GPC5: variants seen among roughly 807,000 people sequenced by gnomAD.
The protein encoded by GPC5 is glypican-5.
GPC5 carries 47 observed loss-of-function variants against 53.9 expected under a neutral mutation model. The ratio of observed to expected loss-of-function variants is 0.87; its 90% confidence interval spans 0.69 to 1.11. The LOEUF (loss-of-function observed/expected upper bound fraction) is 1.11, where lower values mean the gene tolerates loss of function less well. Ranked by LOEUF, GPC5 falls within the 50% of genes most tolerant of loss-of-function variation. The pLI, the probability that GPC5 is intolerant of heterozygous loss-of-function variation, is 0.00. For synonymous variants in GPC5, 286 were observed against 263.3 expected, an observed-to-expected ratio of 1.09 and a Z score of -0.84; for missense variants, 748 against 713.1, an observed-to-expected ratio of 1.05 and a Z score of -0.56.
At chr13:92,804,870 C>G (rs1877035895) in intron 7 of GPC5, among the ~76,000 whole-genome samples, 1 of 152,066 alleles carries the variant, frequency 6.6e-6, no homozygotes, top group Admixed American at 6.6e-5. Flanking sequence ...ACCATTTCAA[C>G]AAGGTTCTCA....
At chr13:92,004,913 T>C (rs1231485673) in intron 6 of GPC5, among the ~76,000 whole-genome samples, 1 of 152,158 alleles carries the variant, frequency 6.6e-6, no homozygotes, top group Non-Finnish European at 1.5e-5. Flanking sequence ...CACGTGAGAA[T>C]TATCGGAGCT....
At chr13:92,233,694 C>A (rs1244606171) in intron 7 of GPC5, among the ~76,000 whole-genome samples, 1 of 152,082 alleles carries the variant, frequency 6.6e-6, no homozygotes, top group Non-Finnish European at 1.5e-5. Context: ...TTTTAGGGTA[C>A]ATGTGCACAA....
chr13:92,806,385 A>G (rs1472758708), intron 7 of GPC5, among the ~76,000 whole-genome samples: 1 of 152,058 alleles, frequency 6.6e-6, no homozygotes, highest in Non-Finnish European at 1.5e-5. Flanking sequence ...CTCAGCAATA[A>G]GACAGTTTCA....
intron 2 of GPC5, among the ~76,000 whole-genome samples, chr13:91,576,162 G>T (rs544595658): frequency 1.2e-4 from 18 of 152,026 alleles, no homozygotes; most frequent in African/African-American, 4.1e-4. Context: ...TAGGCAGGAG[G>T]AATAAATTCA....
chr13:92,343,633 C>G (rs2043385507), intron 7 of GPC5, among the ~76,000 whole-genome samples: 1 of 152,002 alleles, frequency 6.6e-6, no homozygotes, highest in South Asian at 2.1e-4. Context: ...TTAAAGTGGA[C>G]AGAGCTTAGC....
chr13:92,427,046 C>T (rs1876869144), intron 7 of GPC5, among the ~76,000 whole-genome samples: 1 of 151,842 alleles, frequency 6.6e-6, no homozygotes, highest in Non-Finnish European at 1.5e-5. Context: ...TTAAGAACAT[C>T]TTGCTGTAAA....
intron 6 of GPC5, among the ~76,000 whole-genome samples, chr13:91,919,863 G>A (rs1452778032): frequency 3.3e-5 from 5 of 152,108 alleles, no homozygotes; most frequent in South Asian, 2.1e-4. Flanking sequence ...TCGGAATGCT[G>A]GCATGCCAGT....
intron 2 of GPC5, among the ~76,000 whole-genome samples, chr13:91,460,081 T>C (rs1402822372): frequency 6.6e-6 from 1 of 152,116 alleles, no homozygotes; most frequent in Non-Finnish European, 1.5e-5. Context: ...ATATACAACA[T>C]GCTTATGTAA....
intron 6 of GPC5, among the ~76,000 whole-genome samples, chr13:91,962,355 A>T (rs1236343799): frequency 6.6e-6 from 1 of 152,160 alleles, no homozygotes; most frequent in Non-Finnish European, 1.5e-5. Flanking sequence ...CTCTTCTTCA[A>T]CTACTTTGTA....
intron 2 of GPC5, among the ~76,000 whole-genome samples, chr13:91,533,458 G>A (rs1410211422): frequency 6.6e-6 from 1 of 152,130 alleles, no homozygotes; most frequent in Non-Finnish European, 1.5e-5. Context: ...AAGCAACTGA[G>A]TGCTCATCTT....
intron 7 of GPC5, among the ~76,000 whole-genome samples, chr13:92,381,774 GATAA>G (rs1307300172): frequency 7.3e-6 from 1 of 137,118 alleles, no homozygotes; most frequent in East Asian, 2.2e-4. Flanking sequence ...TCAATGAGTG[GATAA>G]ATAAACTGTG....
At chr13:91,674,202 G>A (rs1360607031) in intron 2 of GPC5, among the ~76,000 whole-genome samples, 5 of 152,050 alleles carry the variant, frequency 3.3e-5, no homozygotes, top group African/African-American at 1.2e-4. Flanking sequence ...GTGTCCCGGT[G>A]TTTGGATAAG....
intron 7 of GPC5, among the ~76,000 whole-genome samples, chr13:92,695,654 A>G (rs1340083526): frequency 1.3e-5 from 2 of 152,026 alleles, no homozygotes; most frequent in African/African-American, 4.8e-5. Context: ...GACTTTTGGT[A>G]GGACTTATGA....
intron 7 of GPC5, among the ~76,000 whole-genome samples, chr13:92,495,904 A>G (rs141022151): frequency 1.4e-4 from 22 of 152,142 alleles, no homozygotes; most frequent in African/African-American, 5.3e-4. Flanking sequence ...CTTGACATTT[A>G]GAGTTAGAGG....
At chr13:92,207,082 A>G (rs2042343056) in intron 7 of GPC5, among the ~76,000 whole-genome samples, 1 of 152,102 alleles carries the variant, frequency 6.6e-6, no homozygotes, top group Admixed American at 6.5e-5. Flanking sequence ...TTCATTTGTT[A>G]TTTAATTTTA....
At chr13:91,644,705 A>G (rs934102593) in intron 2 of GPC5, among the ~76,000 whole-genome samples, 8 of 152,156 alleles carry the variant, frequency 5.3e-5, no homozygotes, top group African/African-American at 1.9e-4. Context: ...CTTTTGTTTT[A>G]AAACCTTCCT....
At chr13:91,565,462 G>A (rs2031486801) in intron 2 of GPC5, among the ~76,000 whole-genome samples, 1 of 152,148 alleles carries the variant, frequency 6.6e-6, no homozygotes, top group African/African-American at 2.4e-5. Flanking sequence ...GATAATATTT[G>A]CTTAACTTAT....
intron 7 of GPC5, among the ~76,000 whole-genome samples, chr13:92,274,453 C>T (rs538507384): frequency 1.3e-5 from 2 of 152,184 alleles, no homozygotes; most frequent in East Asian, 3.9e-4. Flanking sequence ...CTGAGTAACT[C>T]GTACTTATTG....
chr13:92,615,066 A>G lies in GPC5; in HGVS notation c.1562-251216A>G, dbSNP rs575928416. Among the ~76,000 whole-genome samples the G allele has an allele frequency of 4.6e-5, 7 of 152,356 alleles. 1 individual carries two copies. In the South Asian group the frequency reaches 1.4e-3, roughly 32 times the overall value. ...AGGGTCGTATAATTAAATCTGTAAGAATAGTCTTATGCATATGATTACCTC... is the reference window on the plus strand; with the variant it reads ...AGGGTCGTATAATTAAATCTGTAAGGATAGTCTTATGCATATGATTACCTC... On this transcript the variant is annotated intron_variant, in intron 7 of 7. Coordinates refer to ENST00000377067, the MANE Select transcript of GPC5 (RefSeq NM_004466.6).
Sources: allele counts gnomAD v4.1 joint callset (sites outside exome capture counted in the v4.1 genomes callset), GRCh38; gene constraint gnomAD v4.1.1; transcripts MANE v1.5; gene names NCBI Gene and HGNC (gene_info 2026-07-23, HGNC 2026-07-21).